Variants in CTNNA2 observed in about 807,000 individuals in gnomAD.
CTNNA2 encodes the protein catenin alpha 2.
In CTNNA2, 42 loss-of-function variants were observed where a neutral mutation model predicts 101.0. That is an observed-to-expected ratio of 0.42 (90% CI 0.32 to 0.54). The LOEUF is 0.54. Ranked by LOEUF, CTNNA2 falls within the 20% of genes least tolerant of loss-of-function variation. The pLI is 0.14. For missense variants in CTNNA2, 871 were observed against 1,223.1 expected (o/e 0.71, Z 4.29); for synonymous variants, 450 against 456.4 (o/e 0.99, Z 0.18).
At chr2:79,378,476 G>A (rs1277383206) in intron 4 of CTNNA2, among the ~76,000 whole-genome samples, 1 of 152,106 alleles carries the variant, frequency 6.6e-6, no homozygotes, top group African/African-American at 2.4e-5. Context: ...CATGTGGATA[G>A]CCACTATTAC....
At chr2:80,330,587 T>G (rs1396360796) in intron 7 of CTNNA2, among the ~76,000 whole-genome samples, 1 of 152,178 alleles carries the variant, frequency 6.6e-6, no homozygotes, top group African/African-American at 2.4e-5. Flanking sequence ...TCAGGCCGTT[T>G]AAGCCAGAGT....
intron 4 of CTNNA2, among the ~76,000 whole-genome samples, chr2:79,405,842 A>G (rs1678335438): frequency 1.3e-5 from 2 of 152,014 alleles, no homozygotes; most frequent in Non-Finnish European, 2.9e-5. Flanking sequence ...GTGTTGTTTT[A>G]TGCTGCTAAG....
intron 4 of CTNNA2, among the ~76,000 whole-genome samples, chr2:79,501,316 A>G (rs1315283032): frequency 6.6e-6 from 1 of 152,180 alleles, no homozygotes; most frequent in East Asian, 1.9e-4. Flanking sequence ...GTCTTGCCCT[A>G]TCACTCAGTC....
chr2:79,997,749 A>T (rs1429925674), intron 7 of CTNNA2, among the ~76,000 whole-genome samples: 1 of 152,176 alleles, frequency 6.6e-6, no homozygotes, highest in Admixed American at 6.5e-5. Flanking sequence ...TGTGCTTATA[A>T]ATCGGCCACT....
chr2:80,548,965 C>G (rs1242457958), intron 11 of CTNNA2, among the ~76,000 whole-genome samples: 1 of 152,046 alleles, frequency 6.6e-6, no homozygotes, highest in South Asian at 2.1e-4. Context: ...AAAAACAGAT[C>G]TTTGTTTTTA....
chr2:79,930,300 GAAAGAAAGAAAGAA>G (rs1558650936), intron 7 of CTNNA2, among the ~76,000 whole-genome samples: 2 of 34,458 alleles, frequency 5.8e-5, no homozygotes, highest in African/African-American at 2.5e-4. Flanking sequence ...GAAAGAGAAA[GAAAGAAAGAAAGAA>G]AGAAAGAAAG....
At chr2:79,475,885 A>T (rs1486432790) in intron 4 of CTNNA2, among the ~76,000 whole-genome samples, 1 of 152,172 alleles carries the variant, frequency 6.6e-6, no homozygotes, top group Non-Finnish European at 1.5e-5. Context: ...TGCTAAAATA[A>T]GATAAATGAA....
chr2:80,547,292 T>C (rs1692159509), intron 11 of CTNNA2, among the ~76,000 whole-genome samples: 1 of 152,162 alleles, frequency 6.6e-6, no homozygotes, highest in Non-Finnish European at 1.5e-5. Flanking sequence ...GACTAGAATT[T>C]ACCTTACTCT....
At chr2:79,516,896 T>C (rs970397939) in intron 1 of CTNNA2, among the ~76,000 whole-genome samples, 2 of 152,180 alleles carry the variant, frequency 1.3e-5, no homozygotes, top group African/African-American at 4.8e-5. Flanking sequence ...TAACTAAAAT[T>C]ATTGTATTTT....
chr2:80,368,097 G>T (rs918958753), intron 7 of CTNNA2, among the ~76,000 whole-genome samples: 4 of 152,082 alleles, frequency 2.6e-5, no homozygotes, highest in African/African-American at 4.8e-5. Flanking sequence ...TATCAATTTA[G>T]AATTTGATTG....
chr2:79,931,368 C>T (rs975743228), intron 7 of CTNNA2, among the ~76,000 whole-genome samples: 1 of 152,084 alleles, frequency 6.6e-6, no homozygotes, highest in Non-Finnish European at 1.5e-5. Flanking sequence ...TACCCACTCC[C>T]CTTTACCCCA....
chr2:79,547,716 C>A (rs1673827833), intron 1 of CTNNA2: 1 of 152,220 alleles, frequency 6.6e-6, no homozygotes, highest in Non-Finnish European at 1.5e-5. Context: ...AAGTTCAGGA[C>A]TATCACTGAG....
At chr2:80,065,126 T>A (rs1294166969) in intron 7 of CTNNA2, among the ~76,000 whole-genome samples, 1 of 152,166 alleles carries the variant, frequency 6.6e-6, no homozygotes, top group African/African-American at 2.4e-5. Flanking sequence ...TGATGGGAAT[T>A]GTGCATAGTA....
chr2:79,936,995 T>C (rs1287889338), intron 7 of CTNNA2, among the ~76,000 whole-genome samples: 1 of 152,180 alleles, frequency 6.6e-6, no homozygotes, highest in Non-Finnish European at 1.5e-5. Flanking sequence ...TTCCATTGTT[T>C]TGTGATGAAA....
At chr2:79,412,562 A>T (rs962779730) in intron 4 of CTNNA2, among the ~76,000 whole-genome samples, 1 of 152,058 alleles carries the variant, frequency 6.6e-6, no homozygotes, top group African/African-American at 2.4e-5. Context: ...ACCACAGTGC[A>T]ATCAAACTAG....
chr2:80,376,499 A>G (rs1675967602), intron 7 of CTNNA2, among the ~76,000 whole-genome samples: 1 of 151,546 alleles, frequency 6.6e-6, no homozygotes, highest in African/African-American at 2.4e-5. Flanking sequence ...TAAATTGTCT[A>G]TGTAACATCC....
intron 4 of CTNNA2, among the ~76,000 whole-genome samples, chr2:79,474,863 A>G (rs1671034984): frequency 6.6e-6 from 1 of 152,016 alleles, no homozygotes; most frequent in Non-Finnish European, 1.5e-5. Context: ...TGGTGCCTTT[A>G]TTTCCTCTAG....
chr2:79,486,538 T>C (rs937355038), intron 4 of CTNNA2, among the ~76,000 whole-genome samples: 8 of 152,192 alleles, frequency 5.3e-5, no homozygotes, highest in Non-Finnish European at 1.0e-4. Flanking sequence ...TAAACATACG[T>C]GGGCATGTGT....
chr2:80,399,833 C>T (rs553800394), intron 8 of CTNNA2, among the ~76,000 whole-genome samples: 66 of 152,330 alleles, frequency 4.3e-4, no homozygotes, highest in South Asian at 1.5e-3. Flanking sequence ...CATTTTTCAG[C>T]ATGAAATTCC....
Sources: gnomAD v4.1 joint callset for allele counts (sites outside exome capture counted in the v4.1 genomes callset) on GRCh38, gnomAD v4.1.1 for gene constraint, MANE v1.5 for transcripts, NCBI Gene and HGNC (gene_info 2026-07-23, HGNC 2026-07-21) for gene names.